XXYLT1: variants seen among roughly 807,000 people sequenced by gnomAD.
XXYLT1 encodes the protein UDP-xylose:alpha-xyloside alpha-1,3-xylosyltransferase.
XXYLT1 carries 20 observed loss-of-function variants against 28.9 expected under a neutral mutation model. The ratio of observed to expected loss-of-function variants is 0.69; its 90% confidence interval spans 0.49 to 1.00. The LOEUF is 1.00. XXYLT1 is among the 50% of genes least tolerant of loss of function. The probability of loss-of-function intolerance (pLI) is 0.00; values close to 1 mark genes in which losing one functional copy is unlikely to be tolerated. For synonymous variants in XXYLT1, 257 were observed against 253.8 expected, an observed-to-expected ratio of 1.01 and a Z score of -0.12; for missense variants, 542 against 560.1, an observed-to-expected ratio of 0.97 and a Z score of 0.33.
intron 3 of XXYLT1, among the ~76,000 whole-genome samples, chr3:195,134,862 TGTGTGTGC>T (rs777726113): frequency 7.1e-4 from 75 of 105,282 alleles, no homozygotes; most frequent in East Asian, 1.8e-3. Flanking sequence ...TGTGTGTGTG[TGTGTGTGC>T]GTGTGCGCGC....
At chr3:195,243,740 C>T (rs1287444514) in intron 1 of XXYLT1, among the ~76,000 whole-genome samples, 1 of 152,156 alleles carries the variant, frequency 6.6e-6, no homozygotes, top group Non-Finnish European at 1.5e-5. Context: ...ATTTGGTTAG[C>T]TTTAAATGGA....
At chr3:195,126,198 C>T (rs1394926845) in intron 3 of XXYLT1, among the ~76,000 whole-genome samples, 1 of 152,190 alleles carries the variant, frequency 6.6e-6, no homozygotes, top group Non-Finnish European at 1.5e-5. Context: ...GAGGCCCACT[C>T]AGTGCTGCGT....
intron 3 of XXYLT1, among the ~76,000 whole-genome samples, chr3:195,092,456 T>C (rs1393119346): frequency 5.8e-4 from 84 of 145,486 alleles, no homozygotes; most frequent in African/African-American, 2.1e-3. Flanking sequence ...TAAATGGTGC[T>C]GGGAAAACTG....
rs1721650635 is a variant in XXYLT1, at chr3:195,176,052, A to G, written c.653-19471T>C. Among the ~76,000 whole-genome samples the G allele has an allele frequency of 1.3e-5, 2 of 152,126 alleles. No homozygotes were observed. Among genetic ancestry groups the G allele is most frequent in the Admixed American group, 6.6e-5 (1 of 15,258 alleles). ...TTTTTTCTGCCCACACACCTAAAAG[A>G]TATGACAGAATTTTTTTTTTTTGAG... On this transcript the variant is annotated intron_variant, in intron 2 of 3. Coordinates refer to ENST00000310380, the MANE Select transcript of XXYLT1 (RefSeq NM_152531.5). This position sits in a 1 kb window ranked among gnomAD's most constrained non-coding sequence, Gnocchi z 4.9.
At chr3:195,155,334 C>T (rs150807491) in intron 3 of XXYLT1, among the ~76,000 whole-genome samples, 8 of 152,304 alleles carry the variant, frequency 5.3e-5, no homozygotes, top group Admixed American at 2.0e-4. Flanking sequence ...GCCAGCATCA[C>T]GGTGTGCACT....
chr3:195,221,309 C>G (rs919523572), intron 2 of XXYLT1, among the ~76,000 whole-genome samples: 1 of 152,218 alleles, frequency 6.6e-6, no homozygotes, highest in African/African-American at 2.4e-5. Flanking sequence ...CATTGGGTGG[C>G]TCTTCATGTT....
rs1027092076 is a variant in XXYLT1 at position 195,150,856 on chromosome 3, A to T, written c.785+5593T>A. ...TACGCACACTCTCTCACACACTCTC[A>T]CACACACACACACTCTCTCCCTCTC... is the stretch of plus-strand genomic sequence containing the variant. On this transcript the variant is annotated intron_variant, in intron 3 of 3. Transcript: ENST00000310380. This position sits in a 1 kb window ranked among gnomAD's most constrained non-coding sequence, Gnocchi z 4.7. Among the ~76,000 whole-genome samples, 4 of 86,644 alleles carry T rather than the reference A, an allele frequency of 4.6e-5. No homozygotes were observed. The highest frequency in any genetic ancestry group is 1.7e-4 in the African/African-American group (3 of 17,712). 56.8% of individuals were successfully genotyped at this position (86,644 alleles called of 152,430 possible).
intron 2 of XXYLT1, among the ~76,000 whole-genome samples, chr3:195,200,811 G>C (rs1449348293): frequency 6.6e-6 from 1 of 152,114 alleles, no homozygotes; most frequent in East Asian, 1.9e-4. Context: ...AGGAATGCTG[G>C]GCTCTGGCCT....
intron 1 of XXYLT1, among the ~76,000 whole-genome samples, chr3:195,239,692 C>G (rs998711332): frequency 1.3e-5 from 2 of 152,204 alleles, no homozygotes; most frequent in Admixed American, 6.5e-5. Flanking sequence ...AATTTCTCTT[C>G]AAACCCTTCG....
chr3:195,162,277 G>A (rs1037124555), intron 2 of XXYLT1, among the ~76,000 whole-genome samples: 8 of 152,090 alleles, frequency 5.3e-5, no homozygotes, highest in Admixed American at 3.9e-4. Context: ...GCCAGGATAC[G>A]GCCAGCGCTC....
At position 195,077,518 on chromosome 3, in the gene XXYLT1, C is replaced by T. The variant is rs924996145; in HGVS notation, c.786-7407G>A. ...TGGCGGCTCCTCAGCGATCAGCCCT[C>T]GTCCACCCAGCCAGCCTCCTGGAGT... On this transcript the variant is annotated intron_variant, in intron 3 of 3. Coordinates refer to ENST00000310380, the MANE Select transcript of XXYLT1 (RefSeq NM_152531.5). This position sits in a 1 kb window ranked among gnomAD's most constrained non-coding sequence, Gnocchi z 4.8. Among the ~76,000 whole-genome samples the T allele has an allele frequency of 2.6e-5, 4 of 152,172 alleles. No homozygotes were observed. Among genetic ancestry groups the T allele is most frequent in the African/African-American group, 4.8e-5 (2 of 41,450 alleles).
chr3:195,206,924 A>C (rs1723098580), intron 2 of XXYLT1, among the ~76,000 whole-genome samples: 1 of 152,150 alleles, frequency 6.6e-6, no homozygotes. Flanking sequence ...TGATGAGTAC[A>C]CAGGCATTCA....
intron 3 of XXYLT1, among the ~76,000 whole-genome samples, chr3:195,120,827 G>A (rs1278926546): frequency 1.3e-5 from 2 of 152,198 alleles, no homozygotes; most frequent in Non-Finnish European, 2.9e-5. Flanking sequence ...GCACGGAGAG[G>A]GTGTGCGGCC....
chr3:195,260,401 C>G (rs1463049512), intron 1 of XXYLT1, among the ~76,000 whole-genome samples: 1 of 152,200 alleles, frequency 6.6e-6, no homozygotes, highest in Non-Finnish European at 1.5e-5. Context: ...AGGACAAAAC[C>G]TGTGCCTGCA....
rs1450768751 is a variant in XXYLT1 at position 195,115,185 on chromosome 3, G to A, written c.785+41264C>T. On this transcript the variant is annotated intron_variant, in intron 3 of 3. Transcript: ENST00000310380. This position sits in a 1 kb window ranked among gnomAD's most constrained non-coding sequence, Gnocchi z 4.2. ...GGGAACTAGTGTGCTCACATGAGACGTGCCCGGTGAGAATGTGGCTTCTGG... is the reference window on the plus strand; with the variant it reads ...GGGAACTAGTGTGCTCACATGAGACATGCCCGGTGAGAATGTGGCTTCTGG... Among the ~76,000 whole-genome samples the A allele has an allele frequency of 1.3e-5, 2 of 152,218 alleles. No homozygotes were observed. Among genetic ancestry groups the A allele is most frequent in the African/African-American group, 2.4e-5 (1 of 41,448 alleles).
Position 195,076,368 on chromosome 3 carries a change from C to T in XXYLT1, c.786-6257G>A, listed in dbSNP as rs571484560. 6.6e-5 allele frequency among the ~76,000 whole-genome samples: 10 copies of T among 152,242 alleles called. No homozygotes were observed. The highest frequency in any genetic ancestry group is 5.8e-4 in the East Asian group (3 of 5,172). ...TGCGGCACAGACATTGGAACTCGAC[C>T]GCGCGTGTTCCCGGAGTCTGAGTCG... On this transcript the variant is annotated intron_variant, in intron 3 of 3. Transcript: ENST00000310380. The surrounding 1 kb of genome is among the most constrained non-coding windows in gnomAD (Gnocchi z 5.3).
At position 195,270,777 on chromosome 3, in the gene XXYLT1, G is replaced by A. The variant is rs1425770459; in HGVS notation, c.282C>T (p.Ala94=). 3.8e-6 allele frequency: 6 copies of A among 1,572,892 alleles called. No individual in the cohort carries two copies. The highest frequency in any genetic ancestry group is 3.6e-5 in the Admixed American group (2 of 55,542). Residue 94 remains alanine, a synonymous_variant, in exon 1 of 4, where the codon GCC becomes GCT. Coordinates refer to ENST00000310380, the MANE Select transcript of XXYLT1 (RefSeq NM_152531.5). ...TCAGCAGGTGGTAGTCCACCGGCCC[G>A]GCACCGCCGCCCTCCAAGCTCTTGG... ...AKAKSLEGGG[A]GPVDYHLLMM...
chr3:195,082,302 G>T (rs1414541847), intron 3 of XXYLT1, among the ~76,000 whole-genome samples: 3 of 152,142 alleles, frequency 2.0e-5, no homozygotes. Context: ...CAGGAAATAG[G>T]GGTGATGAGT....
chr3:195,101,733 A>G (rs1410020976), intron 3 of XXYLT1, among the ~76,000 whole-genome samples: 2 of 151,038 alleles, frequency 1.3e-5, no homozygotes, highest in African/African-American at 2.4e-5. Context: ...GGCTGAGGCA[A>G]AAGGACTGCT....
Sources: allele counts gnomAD v4.1 joint callset (sites outside exome capture counted in the v4.1 genomes callset), GRCh38; gene constraint gnomAD v4.1.1; non-coding constraint Gnocchi (gnomAD v3.1); transcripts MANE v1.5; gene names NCBI Gene and HGNC (gene_info 2026-07-23, HGNC 2026-07-21).